The following FHAD1 variants were observed in gnomAD, a reference collection of about 807,000 sequenced individuals.
FHAD1 encodes the protein forkhead-associated domain-containing protein 1.
Under a neutral mutation model 191.3 loss-of-function variants are expected in FHAD1, and 146 were observed. The observed-to-expected ratio is 0.76, with a 90% CI of 0.67 to 0.88. FHAD1 has a LOEUF of 0.88. Ranked by LOEUF, FHAD1 falls within the 40% of genes least tolerant of loss-of-function variation. The pLI is 0.00. For synonymous variants in FHAD1, 616 were observed against 672.3 expected (o/e 0.92, Z 1.29); for missense variants, 1,635 against 1,785.8 (o/e 0.92, Z 1.52).
chr1:15,377,153 G>A (rs892874628), intron 28 of FHAD1, among the ~76,000 whole-genome samples: 2 of 152,022 alleles, frequency 1.3e-5, no homozygotes, highest in African/African-American at 2.4e-5. Flanking sequence ...GTGTGCTGCC[G>A]CAGCTGGATC....
chr1:15,359,468 G>A (rs1303980184), intron 21 of FHAD1, among the ~76,000 whole-genome samples: 5 of 152,224 alleles, frequency 3.3e-5, no homozygotes, highest in Middle Eastern at 3.4e-3. Flanking sequence ...GGATGGAAAC[G>A]CCAAGGGGAG....
At chr1:15,294,241 C>T (rs1666133350) in intron 4 of FHAD1, among the ~76,000 whole-genome samples, 2 of 152,208 alleles carry the variant, frequency 1.3e-5, no homozygotes, top group African/African-American at 4.8e-5. Flanking sequence ...ACTCTTCAAA[C>T]AAAATGGTTT....
At chr1:15,317,783 G>GC in intron 9 of FHAD1, 41 bp from the exon 10 acceptor site, 3 of 1,421,480 alleles carry the variant, frequency 2.1e-6, no homozygotes, top group Non-Finnish European at 2.9e-6. Context: ...GGCAGCTCCT[G>GC]CCCCCATCAG....
chr1:15,360,649 C>T lies in FHAD1; in HGVS notation c.2908C>T (p.Gln970Ter). 2.6e-6 allele frequency: 4 copies of T among 1,551,888 alleles called. No individual in the cohort carries two copies. Among genetic ancestry groups the T allele is most frequent in the Non-Finnish European group, 3.5e-6 (4 of 1,147,048 alleles). Residue 970 changes from glutamine (Q) to a stop codon, truncating the protein, a stop_gained, in exon 22 of 34, where the codon CAG (glutamine) becomes TAG (stop). Coordinates refer to ENST00000688493, the MANE Select transcript of FHAD1 (RefSeq NM_001391957.1). LOFTEE classifies it high-confidence loss of function. The part of the protein sequence containing the change: ...SLEEKLQKVT[Q>*]HHKKIEGEIA... ...CGAAGAGAAACTCCAGAAAGTCACT[C>T]AGCACCATAAAAAAATAGAAGGCGA...
At chr1:15,355,951 A>C (rs1342559143) in intron 20 of FHAD1, among the ~76,000 whole-genome samples, 4 of 151,530 alleles carry the variant, frequency 2.6e-5, no homozygotes, top group Non-Finnish European at 2.9e-5. Flanking sequence ...AAAAAAAAAA[A>C]CAGAAAATCA....
At chr1:15,349,274 G>A (rs1009826164) in intron 19 of FHAD1, 125 bp downstream of exon 19, 8 of 709,566 alleles carry the variant, frequency 1.1e-5, no homozygotes, top group African/African-American at 1.8e-5. Context: ...AAGATCTGCC[G>A]TTTACTGGCT....
At chr1:15,349,241 C>T in intron 19 of FHAD1, 92 bp downstream of exon 19, 2 of 981,434 alleles carry the variant, frequency 2.0e-6, no homozygotes, top group Non-Finnish European at 3.1e-6. Context: ...GATATCAGAG[C>T]CATGCCTCCC....
rs943197103 is a variant in FHAD1, at chr1:15,349,024, C to T, written c.2347-18C>T. The T allele has an allele frequency of 5.9e-6, 9 of 1,523,876 alleles. No individual in the cohort carries two copies. The African/African-American group carries it at 1.2e-4, about 21-fold the overall frequency. 94.4% of individuals were successfully genotyped at this position (1,523,876 alleles called of 1,614,324 possible). The stretch of plus-strand genomic sequence containing the variant: ...CTAAATGTGCAGGCCACCAAGAGCA[C>T]TGGTCGTTGATTTTCAGGTTTTGGA... On this transcript the variant is annotated intron_variant, in intron 18 of 33. Coordinates refer to ENST00000688493, the MANE Select transcript of FHAD1 (RefSeq NM_001391957.1).
chr1:15,332,934 GTATTTCCAAACTAC>G (rs1261418553), intron 14 of FHAD1, among the ~76,000 whole-genome samples: 1 of 152,140 alleles, frequency 6.6e-6, no homozygotes, highest in Non-Finnish European at 1.5e-5. Flanking sequence ...AAAGAAAACA[GTATTTCCAAACTAC>G]TGGTCTCCTT....
intron 14 of FHAD1, among the ~76,000 whole-genome samples, chr1:15,331,991 A>G (rs955463355): frequency 3.9e-5 from 6 of 152,298 alleles, no homozygotes; most frequent in South Asian, 4.2e-4. Context: ...ATCACCCTCC[A>G]GAGAGCCTGC....
At chr1:15,252,167 TA>T (rs1479761505) in intron 2 of FHAD1, among the ~76,000 whole-genome samples, 2 of 152,196 alleles carry the variant, frequency 1.3e-5, no homozygotes, top group African/African-American at 2.4e-5. Flanking sequence ...AAGTAGGGCT[TA>T]TCCCGAGAGG....
chr1:15,350,331 G>A (rs1690418357), intron 19 of FHAD1, among the ~76,000 whole-genome samples: 1 of 152,224 alleles, frequency 6.6e-6, no homozygotes, highest in Non-Finnish European at 1.5e-5. Flanking sequence ...GCAGGCTGGA[G>A]AGTGCCCGAG....
At chr1:15,266,505 A>G (rs1358941096) in intron 2 of FHAD1, among the ~76,000 whole-genome samples, 1 of 151,870 alleles carries the variant, frequency 6.6e-6, no homozygotes, top group Non-Finnish European at 1.5e-5. Context: ...CAACACTCAC[A>G]CATACACACG....
rs777731813 is a variant in FHAD1 at position 15,341,822 on chromosome 1, C to T, written c.2064C>T (p.Asn688=). Residue 688 remains asparagine (N), a synonymous_variant, in exon 16 of 34, where the codon AAC becomes AAT. Coordinates refer to ENST00000688493, the MANE Select transcript of FHAD1 (RefSeq NM_001391957.1). Reference sequence around the variant, plus strand: ...ATCTGGCAGAGAAGGAGAAGCTGAACGAGGAGAGGCTAGAGCAAGAGGAGA... The same window carrying T: ...ATCTGGCAGAGAAGGAGAAGCTGAATGAGGAGAGGCTAGAGCAAGAGGAGA... ...REHLAEKEKL[N]EERLEQEEKL... is the part of the protein sequence containing the mutation. 3.2e-6 allele frequency: 5 copies of T among 1,551,620 alleles called. No homozygotes were observed. The highest frequency in any genetic ancestry group is 4.9e-5 in the East Asian group (2 of 40,934).
At chr1:15,367,014 A>T (rs1234085579) in intron 24 of FHAD1, among the ~76,000 whole-genome samples, 2 of 152,152 alleles carry the variant, frequency 1.3e-5, no homozygotes, top group Non-Finnish European at 2.9e-5. Context: ...CCCTGTAGCT[A>T]TTCCTGTTAA....
chr1:15,381,521 C>A lies in FHAD1; in HGVS notation c.4022+70C>A. 1.7e-6 allele frequency: 2 copies of A among 1,209,178 alleles called. No homozygotes were observed. Among genetic ancestry groups the A allele is most frequent in the South Asian group, 1.3e-5 (1 of 75,010 alleles). 74.9% of individuals were successfully genotyped at this position (1,209,178 alleles called of 1,614,324 possible). A position where few individuals can be genotyped will look rare whatever the true frequency, so the allele number is the denominator to read the frequency against. Reference sequence around the variant, plus strand: ...CTTCTCCTGGCTAAACTCAGGCTAGCAGCAGACCTCTAGGCCTGGGACAGG... The same window carrying A: ...CTTCTCCTGGCTAAACTCAGGCTAGAAGCAGACCTCTAGGCCTGGGACAGG... On this transcript the variant is annotated intron_variant, in intron 30 of 33. Transcript: ENST00000688493. This position sits in a 1 kb window ranked among gnomAD's most constrained non-coding sequence, Gnocchi z 4.6.
upstream of FHAD1, among the ~76,000 whole-genome samples, chr1:15,247,030 G>T (rs1244615746): frequency 1.3e-5 from 2 of 152,140 alleles, no homozygotes; most frequent in Non-Finnish European, 2.9e-5. Context: ...CTCCTTCCTC[G>T]CTGTAAAACC....
chr1:15,303,626 G>A (rs1390147411), intron 6 of FHAD1, among the ~76,000 whole-genome samples: 1 of 152,158 alleles, frequency 6.6e-6, no homozygotes, highest in Non-Finnish European at 1.5e-5. Context: ...AAGGCAGGCG[G>A]ATCACCTGAG....
intron 3 of FHAD1, among the ~76,000 whole-genome samples, chr1:15,280,305 C>T (rs1468078657): frequency 1.3e-5 from 2 of 152,194 alleles, no homozygotes; most frequent in African/African-American, 4.8e-5. Context: ...TTCCTCTACA[C>T]TGTGCTGTTA....
Sources: gnomAD v4.1 joint callset for allele counts (sites outside exome capture counted in the v4.1 genomes callset) on GRCh38, gnomAD v4.1.1 for gene constraint, Gnocchi (gnomAD v3.1) non-coding constraint, MANE v1.5 for transcripts, NCBI Gene and HGNC (gene_info 2026-07-23, HGNC 2026-07-21) for gene names.